The following KCNQ1 variants were observed in gnomAD, a reference collection of about 807,000 sequenced individuals.
KCNQ1 encodes potassium voltage-gated channel subfamily KQT member 1.
A neutral mutation model predicts 72.4 loss-of-function variants in KCNQ1; 49 were observed. The observed-to-expected ratio is 0.68, with a 90% CI of 0.54 to 0.86. The LOEUF (loss-of-function observed/expected upper bound fraction) is 0.86, where lower values mean the gene tolerates loss of function less well. Ranked by LOEUF, KCNQ1 falls within the 40% of genes least tolerant of loss-of-function variation. KCNQ1 has a pLI of 0.00. For synonymous variants in KCNQ1, 450 were observed against 412.6 expected (o/e 1.09, Z -1.10); for missense variants, 790 against 945.1 (o/e 0.84, Z 2.15).
At chr11:2,733,814 A>ACACACACACTCTCTCTCTCTCTCT in intron 11 of KCNQ1, among the ~76,000 whole-genome samples, 2 of 86,654 alleles carry the variant, frequency 2.3e-5, no homozygotes, top group Non-Finnish European at 2.4e-5. Flanking sequence ...ACACACACAC[A>ACACACACACTCTCTCTCTCTCTCT]CTCTCTCACT....
At chr11:2,616,808 T>C (rs1316459121) in intron 10 of KCNQ1, 1 of 398,322 alleles carries the variant, frequency 2.5e-6, no homozygotes, top group Admixed American at 4.4e-5. Context: ...GCCTAACATA[T>C]CATCCCTCCT....
intron 15 of KCNQ1, among the ~76,000 whole-genome samples, chr11:2,791,059 ACT>A (rs1470808752): frequency 1.3e-5 from 2 of 151,972 alleles, no homozygotes; most frequent in African/African-American, 4.8e-5. Flanking sequence ...CTCCTGAATG[ACT>A]CTATTTATAG....
At chr11:2,774,294 C>G (rs1846653745) in intron 12 of KCNQ1, among the ~76,000 whole-genome samples, 2 of 152,246 alleles carry the variant, frequency 1.3e-5, no homozygotes, top group African/African-American at 4.8e-5. Context: ...CCCATGCCTG[C>G]CTCTATCACA....
rs547437607 is a variant in KCNQ1 at position 2,451,602 on chromosome 11, C to T, written c.386+6118C>T. Among the ~76,000 whole-genome samples the T allele has an allele frequency of 1.2e-4, 18 of 152,284 alleles. No individual in the cohort carries two copies. The highest frequency in any genetic ancestry group is 3.4e-3 in the Middle Eastern group (1 of 294). On this transcript the variant is annotated intron_variant, in intron 1 of 15. Coordinates refer to ENST00000155840, the MANE Select transcript of KCNQ1 (RefSeq NM_000218.3). This position sits in a 1 kb window ranked among gnomAD's most constrained non-coding sequence, Gnocchi z 6.4. ...CCCAGGAGGGTCGTGGCTCCCTCAT[C>T]GGCACCGGACTCTCAGGATGAGCCG...
Position 2,682,216 on chromosome 11 carries a change from C to T in KCNQ1, c.1514+20135C>T, listed in dbSNP as rs1850410132. The T allele has an allele frequency of 2.5e-6, 1 of 398,406 alleles. No individual in the cohort carries two copies. The highest frequency in any genetic ancestry group is 4.4e-6 in the Non-Finnish European group (1 of 226,058). 24.7% of individuals were successfully genotyped at this position (398,406 alleles called of 1,614,324 possible). The stretch of plus-strand genomic sequence containing the variant: ...TTCCCCAGGCCAGGACTGTCTTATC[C>T]TGTGGTTCTTAGCTGAAATGTCCCT... On this transcript the variant is annotated intron_variant, in intron 11 of 15. Coordinates refer to ENST00000155840, the MANE Select transcript of KCNQ1 (RefSeq NM_000218.3). This position sits in a 1 kb window ranked among gnomAD's most constrained non-coding sequence, Gnocchi z 5.8.
At chr11:2,797,682 C>T (rs1220657161) in intron 15 of KCNQ1, among the ~76,000 whole-genome samples, 4 of 152,142 alleles carry the variant, frequency 2.6e-5, no homozygotes, top group Non-Finnish European at 5.9e-5. Flanking sequence ...CCCTCCTCCT[C>T]CCCCGGGCCC....
chr11:2,711,928 C>T lies in KCNQ1; in HGVS notation c.1514+49847C>T, dbSNP rs1196192410. Among the ~76,000 whole-genome samples, 2 of 152,076 alleles carry T rather than the reference C, an allele frequency of 1.3e-5. No homozygotes were observed. The highest frequency in any genetic ancestry group is 3.9e-4 in the East Asian group (2 of 5,172). Reference sequence around the variant, plus strand: ...GGCAGGTGGCAGGTGGCTGGGGCTGCTCACCTGCTCACCTGTGTCCATCCC... The same window carrying T: ...GGCAGGTGGCAGGTGGCTGGGGCTGTTCACCTGCTCACCTGTGTCCATCCC... On this transcript the variant is annotated intron_variant, in intron 11 of 15. Coordinates refer to ENST00000155840, the MANE Select transcript of KCNQ1 (RefSeq NM_000218.3). The surrounding 1 kb of genome is among the most constrained non-coding windows in gnomAD (Gnocchi z 5.4).
At chr11:2,811,030 C>T (rs1407744810) in intron 15 of KCNQ1, among the ~76,000 whole-genome samples, 1 of 152,198 alleles carries the variant, frequency 6.6e-6, no homozygotes, top group East Asian at 1.9e-4. Flanking sequence ...CAGCAGATGG[C>T]TTAGACTCAC....
In KCNQ1 at chr11:2,587,417, A is replaced by G. The variant is rs936748823; in HGVS notation, c.1129-153A>G. ...CTGGGCAGAGGGTCTGGGAGCTGGG[A>G]CCATGTCAAGCCTGTGACTCTGAGG... On this transcript the variant is annotated intron_variant, in intron 8 of 15. Transcript: ENST00000155840. Among the ~76,000 whole-genome samples, 3 of 152,178 alleles carry G rather than the reference A, an allele frequency of 2.0e-5. No homozygotes were observed. In the South Asian group the frequency reaches 6.2e-4, roughly 32 times the overall value.
chr11:2,807,020 G>A (rs926375931), intron 15 of KCNQ1, among the ~76,000 whole-genome samples: 6 of 152,194 alleles, frequency 3.9e-5, no homozygotes, highest in African/African-American at 1.2e-4. Flanking sequence ...GTCTGTGACC[G>A]TGCAGGGAGG....
At chr11:2,777,110 C>T in intron 14 of KCNQ1, 78 bp downstream of exon 14, 2 of 1,426,006 alleles carry the variant, frequency 1.4e-6, no homozygotes, top group South Asian at 1.2e-5. Flanking sequence ...CTGGCTCTCC[C>T]CATGATGTCA....
rs532108562 is a variant in KCNQ1 at position 2,463,147 on chromosome 11, C to T, written c.386+17663C>T. Reference sequence around the variant, plus strand: ...TCCAGGATTCCGGGTTGTGCTTGGTCAGAGTGGGGAACTGGACGCTCCGTC... The same window carrying T: ...TCCAGGATTCCGGGTTGTGCTTGGTTAGAGTGGGGAACTGGACGCTCCGTC... On this transcript the variant is annotated intron_variant, in intron 1 of 15. Coordinates refer to ENST00000155840, the MANE Select transcript of KCNQ1 (RefSeq NM_000218.3). This position sits in a 1 kb window ranked among gnomAD's most constrained non-coding sequence, Gnocchi z 7.0. Among the ~76,000 whole-genome samples the T allele has an allele frequency of 6.6e-6, 1 of 152,070 alleles. No individual in the cohort carries two copies.
In KCNQ1 at chr11:2,538,772, A is replaced by G. The variant is rs1589938020; in HGVS notation, c.477+10754A>G. On this transcript the variant is annotated intron_variant, in intron 2 of 15. Transcript: ENST00000155840. The surrounding 1 kb of genome is among the most constrained non-coding windows in gnomAD (Gnocchi z 6.7). ...GGCCTCACGTTATCTTCTGCAGGCC[A>G]GAATTGTCATATATATCAAGTTTGT... Among the ~76,000 whole-genome samples the G allele has an allele frequency of 1.4e-5, 2 of 143,276 alleles. No individual in the cohort carries two copies. Among genetic ancestry groups the G allele is most frequent in the Admixed American group, 1.4e-4 (2 of 14,492 alleles). The allele number at this position is 143,276 out of a possible 152,430, so 94.0% of individuals were successfully genotyped here. A position where few individuals can be genotyped will look rare whatever the true frequency, so the allele number is the denominator to read the frequency against.
At chr11:2,798,661 T>C (rs1305493243) in intron 15 of KCNQ1, among the ~76,000 whole-genome samples, 3 of 152,196 alleles carry the variant, frequency 2.0e-5, no homozygotes, top group Non-Finnish European at 4.4e-5. Context: ...TCCTTGCAGG[T>C]ATCAAATTAA....
At chr11:2,719,762 T>C (rs1851172013) in intron 11 of KCNQ1, among the ~76,000 whole-genome samples, 1 of 152,072 alleles carries the variant, frequency 6.6e-6, no homozygotes, top group South Asian at 2.1e-4. Context: ...CAGTGTTGGG[T>C]TGGAGAATGG....
chr11:2,632,006 C>A (rs993138675), intron 10 of KCNQ1: 5 of 395,850 alleles, frequency 1.3e-5, no homozygotes, highest in Non-Finnish European at 2.2e-5. Context: ...CATGGTGAAA[C>A]CCCATCTCTA....
intron 7 of KCNQ1, 114 bp from the exon 8 acceptor site, chr11:2,585,098 C>T (rs1848573132): frequency 6.4e-6 from 6 of 934,610 alleles, no homozygotes; most frequent in Non-Finnish European, 1.1e-5. Context: ...GGGGGGCTTC[C>T]AGCACTGACC....
chr11:2,825,005 G>A (rs1485333691), intron 15 of KCNQ1, among the ~76,000 whole-genome samples: 2 of 152,240 alleles, frequency 1.3e-5, no homozygotes, highest in African/African-American at 2.4e-5. Context: ...GATGGGGCCT[G>A]GGCCAGGGAT....
intron 11 of KCNQ1, among the ~76,000 whole-genome samples, chr11:2,722,960 G>C (rs181950863): frequency 6.6e-6 from 1 of 152,212 alleles, no homozygotes; most frequent in Non-Finnish European, 1.5e-5. Flanking sequence ...AGGTCTTTGG[G>C]CACTGCAGCT....
Sources: allele counts gnomAD v4.1 joint callset (sites outside exome capture counted in the v4.1 genomes callset), GRCh38; gene constraint gnomAD v4.1.1; non-coding constraint Gnocchi (gnomAD v3.1); transcripts MANE v1.5; gene names NCBI Gene and HGNC (gene_info 2026-07-23, HGNC 2026-07-21).